DPEP2: variants seen among roughly 807,000 people sequenced by gnomAD.
DPEP2 encodes dipeptidase 2.
In DPEP2, 45 loss-of-function variants were observed where a neutral mutation model predicts 51.8. That is an observed-to-expected ratio of 0.87 (90% CI 0.68 to 1.11). The LOEUF (loss-of-function observed/expected upper bound fraction) is 1.11, where lower values mean the gene tolerates loss of function less well. DPEP2 is among the 50% of genes most tolerant of loss of function. DPEP2 has a pLI of 0.00. For missense variants in DPEP2, 604 were observed against 631.9 expected (o/e 0.96, Z 0.47); for synonymous variants, 255 against 262.7 (o/e 0.97, Z 0.28).
At chr16:67,988,552 G>A (rs190696677) in intron 9 of DPEP2, among the ~76,000 whole-genome samples, 3 of 151,338 alleles carry the variant, frequency 2.0e-5, no homozygotes, top group South Asian at 2.1e-4. Flanking sequence ...GCAGTGAGCC[G>A]AGATTGTGCC....
At position 67,993,226 on chromosome 16, in the gene DPEP2, G is replaced by A. The variant is rs763870489; in HGVS notation, c.-14C>T. The A allele has an allele frequency of 5.6e-6, 8 of 1,427,290 alleles. No homozygotes were observed. In the South Asian group the frequency reaches 6.1e-5, roughly 11 times the overall value. 88.4% of individuals were successfully genotyped at this position (1,427,290 alleles called of 1,614,324 possible). A position where few individuals can be genotyped will look rare whatever the true frequency, so the allele number is the denominator to read the frequency against. Reference sequence around the variant, plus strand: ...GGAGGGCTGCATGTTGTGCAGGGCCGGGCAGGCAGGCAGGGGTGGCAGTCA... The same window carrying A: ...GGAGGGCTGCATGTTGTGCAGGGCCAGGCAGGCAGGCAGGGGTGGCAGTCA... On this transcript the variant is annotated 5_prime_UTR_variant, in exon 2 of 11. Coordinates refer to ENST00000393847, the MANE Select transcript of DPEP2 (RefSeq NM_022355.4).
intron 7 of DPEP2, 25 bp downstream of exon 7, chr16:67,990,796 G>C: frequency 6.2e-7 from 1 of 1,600,648 alleles, no homozygotes; most frequent in Non-Finnish European, 8.5e-7. Flanking sequence ...CTTGCTTTAG[G>C]TTCCTGGGCT....
chr16:67,999,016 G>A (rs1393517616), intron 1 of DPEP2, among the ~76,000 whole-genome samples: 2 of 152,164 alleles, frequency 1.3e-5, no homozygotes, highest in African/African-American at 4.8e-5. Flanking sequence ...CCAGATAAGA[G>A]AATAAAAGCA....
intron 8 of DPEP2, among the ~76,000 whole-genome samples, 169 bp downstream of exon 8, chr16:67,989,878 C>T (rs2031909248): frequency 6.6e-6 from 1 of 152,230 alleles, no homozygotes; most frequent in African/African-American, 2.4e-5. Context: ...CCCTTATACC[C>T]ATCAGGACCG....
intron 7 of DPEP2, 54 bp downstream of exon 7, chr16:67,990,766 AG>A: frequency 6.4e-7 from 1 of 1,566,316 alleles, no homozygotes; most frequent in South Asian, 1.2e-5. Context: ...GCCTGGCCGA[AG>A]GGCTCCTGGT....
intron 1 of DPEP2, chr16:67,994,028 G>C (rs2032506033): frequency 2.0e-6 from 2 of 985,358 alleles, no homozygotes; most frequent in Admixed American, 1.2e-4. Flanking sequence ...CCCAGTGGAG[G>C]GATGAGAGCG....
chr16:67,996,876 G>A (rs1413714656), intron 1 of DPEP2, among the ~76,000 whole-genome samples: 4 of 151,688 alleles, frequency 2.6e-5, no homozygotes, highest in Admixed American at 6.6e-5. Flanking sequence ...GGCCTTGAGG[G>A]GACCATACAA....
chr16:67,987,502 G>T lies in DPEP2; in HGVS notation c.*4C>A. ...AGTGACATCTGGCAGGACTAACTGG[G>T]TCATCAGAGCCACAGAATAAGGACT... On this transcript the variant is annotated 3_prime_UTR_variant, in exon 11 of 11. Coordinates refer to ENST00000393847, the MANE Select transcript of DPEP2 (RefSeq NM_022355.4). 3 of 1,604,750 alleles carry T rather than the reference G, an allele frequency of 1.9e-6. No individual in the cohort carries two copies. Among genetic ancestry groups the T allele is most frequent in the Non-Finnish European group, 2.6e-6 (3 of 1,172,164 alleles).
chr16:67,992,270 G>A lies in DPEP2; in HGVS notation c.391-77C>T, dbSNP rs548087611. The A allele has an allele frequency of 4.5e-6, 7 of 1,554,770 alleles. No homozygotes were observed. The African/African-American group carries it at 9.5e-5, about 21-fold the overall frequency. The stretch of plus-strand genomic sequence containing the variant: ...TGGACTGCTCACAGCCTCCACAGCT[G>A]ACAGAGCACCCAGTGGGCCAGGAGG... On this transcript the variant is annotated intron_variant, in intron 3 of 10. Coordinates refer to ENST00000393847, the MANE Select transcript of DPEP2 (RefSeq NM_022355.4).
intron 7 of DPEP2, among the ~76,000 whole-genome samples, 175 bp from the exon 8 acceptor site, chr16:67,990,306 T>C (rs767907951): frequency 2.0e-5 from 3 of 152,100 alleles, no homozygotes; most frequent in Non-Finnish European, 4.4e-5. Flanking sequence ...CTGGCATAGG[T>C]GTCTTGGCAC....
chr16:67,989,387 G>C lies in DPEP2; in HGVS notation c.1006C>G (p.His336Asp). The change falls in exon 9 of 11, where the codon CAC becomes GAC. Residue 336 changes from histidine to aspartate, a missense_variant. His to Asp is a moderately conservative substitution (Grantham distance 81). Coordinates refer to ENST00000393847, the MANE Select transcript of DPEP2 (RefSeq NM_022355.4). ...TTGGATCCAATGACAGCCTTGATGT[G>C]GTCGAAGTGATCTGGGGAGGGGGAA... is the stretch of plus-strand genomic sequence containing the variant. The part of the protein sequence containing the change: ...NVSTVADHFD[H>D]IKAVIGSKFI... The C allele has an allele frequency of 6.2e-7, 1 of 1,614,186 alleles. No homozygotes were observed. The highest frequency in any genetic ancestry group is 8.5e-7 in the Non-Finnish European group (1 of 1,180,024).
In DPEP2 at chr16:67,990,069, T is replaced by G. The variant is rs928237943; in HGVS notation, c.972A>C (p.Ser324=). 2.5e-6 allele frequency: 4 copies of G among 1,614,092 alleles called. No homozygotes were observed. In the African/African-American group the frequency reaches 5.3e-5, roughly 22 times the overall value. Residue 324 remains serine, a synonymous_variant, in exon 8 of 11, where the codon TCA becomes TCC. Transcript: ENST00000393847. ...TACCTGCCACAGTGGACACATTGGC[T>G]GATGGGTTGCACTGTATTACTCCCA... ...LSMGVIQCNP[S]ANVSTVADHF... is the part of the protein sequence containing the mutation.
At position 67,991,095 on chromosome 16, in the gene DPEP2, G is replaced by T; in HGVS notation, c.732+20C>A. The T allele has an allele frequency of 6.2e-7, 1 of 1,614,222 alleles. No individual in the cohort carries two copies. Among genetic ancestry groups the T allele is most frequent in the Non-Finnish European group, 8.5e-7 (1 of 1,180,036 alleles). The stretch of plus-strand genomic sequence containing the variant: ...GGTGTGCACATTTGTTTGGGGTGGA[G>T]TGTGAACCAGGGTCCTCACCTCACC... On this transcript the variant is annotated intron_variant, in intron 6 of 10. Transcript: ENST00000393847. The surrounding 1 kb of genome is among the most constrained non-coding windows in gnomAD (Gnocchi z 5.1).
chr16:67,992,283 G>A lies in DPEP2; in HGVS notation c.391-90C>T, dbSNP rs146435111. On this transcript the variant is annotated intron_variant, in intron 3 of 10. Transcript: ENST00000393847. ...GCCTCCACAGCTGACAGAGCACCCA[G>A]TGGGCCAGGAGGCCACATGTAATGT... 4 of 1,532,828 alleles carry A rather than the reference G, an allele frequency of 2.6e-6. No homozygotes were observed. The East Asian group carries it at 9.0e-5, about 35-fold the overall frequency. 95.0% of individuals were successfully genotyped at this position (1,532,828 alleles called of 1,614,324 possible).
rs1229096104 is a variant in DPEP2, at chr16:67,987,494, C to A, written c.*12G>T. On this transcript the variant is annotated 3_prime_UTR_variant, in exon 11 of 11. Transcript: ENST00000393847. Reference sequence around the variant, plus strand: ...CTTGCTACAGTGACATCTGGCAGGACTAACTGGGTCATCAGAGCCACAGAA... The same window carrying A: ...CTTGCTACAGTGACATCTGGCAGGAATAACTGGGTCATCAGAGCCACAGAA... The A allele has an allele frequency of 6.2e-7, 1 of 1,602,768 alleles. No homozygotes were observed. Among genetic ancestry groups the A allele is most frequent in the Non-Finnish European group, 8.5e-7 (1 of 1,170,814 alleles).
chr16:67,993,939 C>T, intron 1 of DPEP2: 3 of 985,618 alleles, frequency 3.0e-6, no homozygotes, highest in Non-Finnish European at 2.4e-6. Context: ...ACTCCTCCGC[C>T]CCCCGCCCCG....
chr16:67,987,653 A>T lies in DPEP2; in HGVS notation c.1314T>A (p.Ser438Arg). The change falls in exon 11 of 11, where the codon AGT becomes AGA. Residue 438 changes from serine (S) to arginine (R), a missense_variant. Physicochemically the swap from Ser to Arg is moderately radical, Grantham distance 110. Transcript: ENST00000393847. ...CAGTGAGTTCCTGGCCTGAAGTCAG[A>T]CTCTGTCTCTGACGCAGACGTGAGA... Reference protein sequence around the residue: ...SDLSRLRQRQSLTSGQELTEI... With the variant: ...SDLSRLRQRQRLTSGQELTEI... 6.2e-7 allele frequency: 1 copy of T among 1,614,030 alleles called. No individual in the cohort carries two copies.
Position 67,992,949 on chromosome 16 carries a change from C to T in DPEP2, c.263+1G>A, listed in dbSNP as rs983996119. Reference sequence around the variant, plus strand: ...ATCGCCCCCTTGCAGCAATTACGCACCCGTCCACGAGCGGGAAGTCCCGCA... The same window carrying T: ...ATCGCCCCCTTGCAGCAATTACGCATCCGTCCACGAGCGGGAAGTCCCGCA... On this transcript the variant is annotated splice_donor_variant, in intron 2 of 10. Coordinates refer to ENST00000393847, the MANE Select transcript of DPEP2 (RefSeq NM_022355.4). LOFTEE classifies it high-confidence loss of function. 1 of 1,609,558 alleles carries T rather than the reference C, an allele frequency of 6.2e-7. No individual in the cohort carries two copies. The highest frequency in any genetic ancestry group is 8.5e-7 in the Non-Finnish European group (1 of 1,177,912).
At chr16:67,999,048 C>T (rs1023670844) in intron 1 of DPEP2, among the ~76,000 whole-genome samples, 7 of 152,184 alleles carry the variant, frequency 4.6e-5, no homozygotes, top group African/African-American at 1.7e-4. Flanking sequence ...CCCGCAGTGG[C>T]TACCTGTTCT....
Sources: gnomAD v4.1 joint callset for allele counts (sites outside exome capture counted in the v4.1 genomes callset) on GRCh38, gnomAD v4.1.1 for gene constraint, Gnocchi (gnomAD v3.1) non-coding constraint, MANE v1.5 for transcripts, NCBI Gene and HGNC (gene_info 2026-07-23, HGNC 2026-07-21) for gene names.